The following WDR41 variants were observed in gnomAD, a reference collection of about 807,000 sequenced individuals.
The protein encoded by WDR41 is WD repeat domain 41.
WDR41 carries 63 observed loss-of-function variants against 69.3 expected under a neutral mutation model. The ratio of observed to expected loss-of-function variants is 0.91; its 90% CI spans 0.74 to 1.12. The LOEUF is 1.12. WDR41 is among the 50% of genes most tolerant of loss of function. The pLI is 0.00. For missense variants in WDR41, 543 were observed against 534.5 expected (o/e 1.02, Z -0.16); for synonymous variants, 185 against 192.1 (o/e 0.96, Z 0.31).
intron 1 of WDR41, among the ~76,000 whole-genome samples, chr5:77,541,487 C>CTTT (rs11335010): frequency 7.2e-4 from 70 of 97,788 alleles, no homozygotes; most frequent in African/African-American, 1.2e-3. Context: ...AAAAGGAATT[C>CTTT]TTTTTTTTTT....
At chr5:77,608,013 G>A (rs1312830767) in intron 1 of WDR41, among the ~76,000 whole-genome samples, 27 of 152,026 alleles carry the variant, frequency 1.8e-4, no homozygotes, top group African/African-American at 7.2e-5. Flanking sequence ...CAGTTCAATG[G>A]CAGCCATCCA....
intron 1 of WDR41, among the ~76,000 whole-genome samples, chr5:77,574,247 G>A (rs1009822521): frequency 6.6e-6 from 1 of 152,026 alleles, no homozygotes; most frequent in Non-Finnish European, 1.5e-5. Context: ...GCAGTGAGCC[G>A]AGATCGCACC....
chr5:77,517,578 G>T (rs191833760), intron 1 of WDR41, among the ~76,000 whole-genome samples: 2,886 of 149,612 alleles, frequency 0.019, 84 homozygotes, highest in Middle Eastern at 0.052. Context: ...TATCTTTTCT[G>T]TTGGGACAAC....
intron 1 of WDR41, among the ~76,000 whole-genome samples, chr5:77,608,423 C>T (rs1214486918): frequency 1.3e-5 from 2 of 152,082 alleles, no homozygotes; most frequent in Non-Finnish European, 2.9e-5. Flanking sequence ...AACATTGGGC[C>T]TAATTCTGAT....
chr5:77,460,938 AAG>A (rs1210711166), intron 4 of WDR41, among the ~76,000 whole-genome samples: 9 of 152,166 alleles, frequency 5.9e-5, no homozygotes, highest in East Asian at 3.9e-4. Context: ...TCATTTGGGT[AAG>A]AGAGACTGCC....
At chr5:77,596,037 T>C (rs1360984872) in intron 1 of WDR41, among the ~76,000 whole-genome samples, 1 of 152,214 alleles carries the variant, frequency 6.6e-6, no homozygotes, top group Non-Finnish European at 1.5e-5. Context: ...AACCTATTGG[T>C]CAAATTCCAT....
intron 1 of WDR41, among the ~76,000 whole-genome samples, chr5:77,563,984 C>T (rs35646334): frequency 0.2 from 30,148 of 152,080 alleles, 3,772 homozygotes; most frequent in Non-Finnish European, 0.27. Context: ...TCCTCTTCCT[C>T]ATTATATATC....
At chr5:77,480,497 A>C (rs1489891458) in intron 2 of WDR41, among the ~76,000 whole-genome samples, 1 of 152,164 alleles carries the variant, frequency 6.6e-6, no homozygotes, top group Non-Finnish European at 1.5e-5. Context: ...TGCAGCCATA[A>C]AAAATGATGA....
chr5:77,502,620 G>C (rs183901398), intron 1 of WDR41, among the ~76,000 whole-genome samples: 1 of 152,216 alleles, frequency 6.6e-6, no homozygotes, highest in Non-Finnish European at 1.5e-5. Context: ...CAGCCAGAGA[G>C]AAAGGTCCAG....
intron 1 of WDR41, among the ~76,000 whole-genome samples, chr5:77,616,164 T>A (rs1226396693): frequency 6.6e-6 from 1 of 151,746 alleles, no homozygotes; most frequent in Non-Finnish European, 1.5e-5. Flanking sequence ...GGATAGAAGG[T>A]ATATGTATAT....
At chr5:77,510,979 G>T (rs1488592640) in intron 1 of WDR41, among the ~76,000 whole-genome samples, 1 of 151,780 alleles carries the variant, frequency 6.6e-6, no homozygotes, top group East Asian at 1.9e-4. Context: ...TGGTCAGGCT[G>T]GTCTCAAACT....
At chr5:77,551,594 C>T (rs1743297291) in intron 1 of WDR41, among the ~76,000 whole-genome samples, 1 of 151,968 alleles carries the variant, frequency 6.6e-6, no homozygotes, top group Non-Finnish European at 1.5e-5. Context: ...ATGAGAATTG[C>T]TTGAACCCAG....
rs562910416 is a variant in WDR41 at position 77,431,771 on chromosome 5, C to T, written c.*1364G>A. ...TGCAGAATTTCTAAAGGAAAAAGCA[C>T]GTGAATAATGGGAGAAAGTCTTCTG... On this transcript the variant is annotated 3_prime_UTR_variant, in exon 13 of 13. Transcript: ENST00000296679. 2.0e-5 allele frequency: 3 copies of T among 152,264 alleles called. No homozygotes were observed. Among genetic ancestry groups the T allele is most frequent in the African/African-American group, 4.8e-5 (2 of 41,544 alleles). 9.4% of individuals were successfully genotyped at this position (152,264 alleles called of 1,614,324 possible).
chr5:77,595,473 C>G (rs1744211146), intron 1 of WDR41, among the ~76,000 whole-genome samples: 1 of 152,142 alleles, frequency 6.6e-6, no homozygotes, highest in African/African-American at 2.4e-5. Flanking sequence ...AAATTGCCCC[C>G]AAAACCACAT....
intron 1 of WDR41, among the ~76,000 whole-genome samples, chr5:77,583,646 A>G (rs1226721933): frequency 6.6e-6 from 1 of 152,176 alleles, no homozygotes; most frequent in African/African-American, 2.4e-5. Flanking sequence ...ACCAACAGTG[A>G]AACTCCCAGG....
At chr5:77,612,537 A>G (rs965597043) in intron 1 of WDR41, among the ~76,000 whole-genome samples, 1 of 152,264 alleles carries the variant, frequency 6.6e-6, no homozygotes, top group African/African-American at 2.4e-5. Flanking sequence ...AACCAAAGAC[A>G]AAAACCACAT....
chr5:77,435,945 A>G (rs527554175), intron 12 of WDR41, among the ~76,000 whole-genome samples: 3 of 152,320 alleles, frequency 2.0e-5, no homozygotes, highest in Admixed American at 2.0e-4. Context: ...ACAACCCTTC[A>G]TGCATCCTCT....
chr5:77,472,847 A>G (rs1456600485), intron 2 of WDR41, among the ~76,000 whole-genome samples: 2 of 152,114 alleles, frequency 1.3e-5, no homozygotes, highest in African/African-American at 4.8e-5. Flanking sequence ...CATACTGCCC[A>G]AGGTAATTTA....
chr5:77,492,115 A>G (rs1348604809), intron 1 of WDR41, 55 bp downstream of exon 1: 5 of 1,595,344 alleles, frequency 3.1e-6, no homozygotes, highest in Non-Finnish European at 4.3e-6. Flanking sequence ...AACCGGAACG[A>G]AGCCGCCCCT....
Sources: allele counts gnomAD v4.1 joint callset (sites outside exome capture counted in the v4.1 genomes callset), GRCh38; gene constraint gnomAD v4.1.1; transcripts MANE v1.5; gene names NCBI Gene and HGNC (gene_info 2026-07-23, HGNC 2026-07-21).